The following STXBP6 variants were observed in gnomAD, a reference collection of about 807,000 sequenced individuals.
STXBP6 encodes syntaxin binding protein 6.
Under a neutral mutation model 26.9 loss-of-function variants are expected in STXBP6, and 21 were observed. The ratio of observed to expected loss-of-function variants is 0.78; its 90% CI spans 0.55 to 1.12. The LOEUF (loss-of-function observed/expected upper bound fraction) is 1.12. Ranked by LOEUF, STXBP6 falls within the 50% of genes most tolerant of loss-of-function variation. STXBP6 has a pLI of 0.00. For synonymous variants in STXBP6, 97 were observed against 92.6 expected (o/e 1.05, Z -0.27); for missense variants, 232 against 257.9 (o/e 0.90, Z 0.69).
intron 1 of STXBP6, among the ~76,000 whole-genome samples, chr14:24,978,903 G>A (rs1245563772): frequency 2.0e-5 from 3 of 152,178 alleles, no homozygotes; most frequent in African/African-American, 4.8e-5. Flanking sequence ...TAAGCAAAGG[G>A]GAACAGGTGT....
At chr14:24,856,714 G>GT (rs35192599) in intron 3 of STXBP6, among the ~76,000 whole-genome samples, 26,843 of 147,342 alleles carry the variant, frequency 0.18, 3,022 homozygotes, top group East Asian at 0.31. Flanking sequence ...TGGTAAACAT[G>GT]TTTTTTTTTT....
At chr14:25,000,299 G>A (rs1268813139) in intron 1 of STXBP6, among the ~76,000 whole-genome samples, 10 of 151,588 alleles carry the variant, frequency 6.6e-5, no homozygotes, top group Admixed American at 3.3e-4. Context: ...TCCTGACCTC[G>A]TGATACGCCC....
At chr14:24,890,796 A>G (rs1384980037) in intron 2 of STXBP6, among the ~76,000 whole-genome samples, 1 of 152,214 alleles carries the variant, frequency 6.6e-6, no homozygotes, top group Non-Finnish European at 1.5e-5. Context: ...GTTAGCCCCT[A>G]TTTATTCTTC....
At chr14:24,888,929 G>C (rs947608648) in intron 2 of STXBP6, among the ~76,000 whole-genome samples, 5 of 152,038 alleles carry the variant, frequency 3.3e-5, no homozygotes, top group African/African-American at 1.2e-4. Context: ...AGAGTACCCT[G>C]CCCCTTTTCC....
intron 1 of STXBP6, among the ~76,000 whole-genome samples, chr14:24,991,120 G>T (rs1249959044): frequency 3.3e-5 from 5 of 150,662 alleles, no homozygotes; most frequent in African/African-American, 1.2e-4. Flanking sequence ...AGAGGAGAAG[G>T]AGATGAGTGA....
chr14:24,831,006 C>A (rs2068441202), intron 4 of STXBP6, among the ~76,000 whole-genome samples: 1 of 152,020 alleles, frequency 6.6e-6, no homozygotes, highest in Admixed American at 6.6e-5. Context: ...AACTGCATAT[C>A]CACAGGCAAA....
chr14:24,975,473 C>T (rs142530812), intron 1 of STXBP6, among the ~76,000 whole-genome samples: 6 of 152,308 alleles, frequency 3.9e-5, no homozygotes, highest in African/African-American at 1.4e-4. Flanking sequence ...TGCTCCTCTG[C>T]ATCTAGTTAC....
chr14:24,946,158 A>G (rs1172751297), intron 2 of STXBP6, among the ~76,000 whole-genome samples: 1 of 152,216 alleles, frequency 6.6e-6, no homozygotes, highest in Non-Finnish European at 1.5e-5. Flanking sequence ...GAGAGAAACA[A>G]ATATGAAAAA....
At chr14:25,032,568 G>A (rs1031982953) in intron 1 of STXBP6, among the ~76,000 whole-genome samples, 2 of 152,178 alleles carry the variant, frequency 1.3e-5, no homozygotes, top group South Asian at 2.1e-4. Context: ...CAACCCGTCC[G>A]GGGAAGCCTC....
At chr14:24,997,583 A>G (rs1182498751) in intron 1 of STXBP6, among the ~76,000 whole-genome samples, 1 of 152,232 alleles carries the variant, frequency 6.6e-6, no homozygotes, top group Non-Finnish European at 1.5e-5. Flanking sequence ...GCACCTTTGT[A>G]TCCCCAATCC....
intron 2 of STXBP6, among the ~76,000 whole-genome samples, chr14:24,944,942 C>T (rs28730543): frequency 0.6 from 90,467 of 151,710 alleles, 27,778 homozygotes; most frequent in Middle Eastern, 0.74. Context: ...AGATTCTACT[C>T]GCTAGGCTTG....
At position 24,918,483 on chromosome 14, in the gene STXBP6, C is replaced by CAA. The variant is rs1455048281; in HGVS notation, c.154+56181_154+56182insTT. ...ACACACACACACACACACACACACA[C>CAA]ACACACACACACACACACAGCAGGC... On this transcript the variant is annotated intron_variant, in intron 2 of 5. Coordinates refer to ENST00000323944, the MANE Select transcript of STXBP6 (RefSeq NM_001394410.1). 2.8e-5 allele frequency among the ~76,000 whole-genome samples: 4 copies of CAA among 142,564 alleles called. No individual in the cohort carries two copies. The South Asian group carries it at 6.5e-4, about 23-fold the overall frequency. 93.5% of individuals were successfully genotyped at this position (142,564 alleles called of 152,430 possible).
chr14:24,857,248 T>C lies in STXBP6; in HGVS notation c.155-91A>G, dbSNP rs906801436. The C allele has an allele frequency of 2.6e-5, 40 of 1,519,212 alleles. No homozygotes were observed. In the Admixed American group the frequency reaches 7.1e-4, roughly 27 times the overall value. The allele number at this position is 1,519,212 out of a possible 1,614,324, so 94.1% of individuals were successfully genotyped here. A position where few individuals can be genotyped will look rare whatever the true frequency, so the allele number is the denominator to read the frequency against. ...CTGTTTCTACAGGACACCTACTGTG[T>C]ATATGCACAATAACAGAGAGAAGGC... On this transcript the variant is annotated intron_variant, in intron 2 of 5. Transcript: ENST00000323944.
At chr14:24,833,904 CCTGTGT>C (rs1207829081) in intron 4 of STXBP6, among the ~76,000 whole-genome samples, 2 of 152,176 alleles carry the variant, frequency 1.3e-5, no homozygotes, top group African/African-American at 4.8e-5. Context: ...TTTGGTTCTT[CCTGTGT>C]TTATTCCATT....
intron 2 of STXBP6, among the ~76,000 whole-genome samples, chr14:24,943,392 GA>G (rs1291053932): frequency 6.6e-6 from 1 of 152,164 alleles, no homozygotes; most frequent in Non-Finnish European, 1.5e-5. Flanking sequence ...ACTCCTGTGA[GA>G]AAAAAATAAA....
intron 2 of STXBP6, among the ~76,000 whole-genome samples, chr14:24,868,473 C>G (rs947020611): frequency 6.6e-6 from 1 of 152,032 alleles, no homozygotes; most frequent in Non-Finnish European, 1.5e-5. Context: ...ATGTTCAGAA[C>G]AGATTTATTT....
intron 1 of STXBP6, among the ~76,000 whole-genome samples, chr14:25,002,500 T>C (rs2074787339): frequency 1.3e-5 from 2 of 151,844 alleles, no homozygotes; most frequent in African/African-American, 2.4e-5. Flanking sequence ...GCTGGGACTA[T>C]AGGCACGTGC....
chr14:24,821,748 A>C (rs1317527772), intron 4 of STXBP6, among the ~76,000 whole-genome samples: 1 of 152,188 alleles, frequency 6.6e-6, no homozygotes, highest in Non-Finnish European at 1.5e-5. Flanking sequence ...ATTAAGTACA[A>C]TCACGGGCAA....
chr14:25,002,358 A>ATTTTTTTTTTTTTTTTTTT (rs1566552415), intron 1 of STXBP6, among the ~76,000 whole-genome samples: 1 of 110,222 alleles, frequency 9.1e-6, no homozygotes, highest in South Asian at 2.6e-4. Context: ...AATTCTTATG[A>ATTTTTTTTTTTTTTTTTTT]CTTTTTTTTT....
Sources: gnomAD v4.1 joint callset for allele counts (sites outside exome capture counted in the v4.1 genomes callset) on GRCh38, gnomAD v4.1.1 for gene constraint, MANE v1.5 for transcripts, NCBI Gene and HGNC (gene_info 2026-07-23, HGNC 2026-07-21) for gene names.